Variants in FHIT observed in about 807,000 individuals in gnomAD.
FHIT encodes the protein fragile histidine triad diadenosine triphosphatase.
A neutral mutation model predicts 17.9 loss-of-function variants in FHIT; 19 were observed. The observed-to-expected ratio is 1.06, with a 90% CI of 0.74 to 1.56. The LOEUF (loss-of-function observed/expected upper bound fraction) is 1.56, where lower values mean the gene tolerates loss of function less well. Among genes scored for constraint, FHIT ranks in the 40% most tolerant of loss-of-function variants. FHIT has a pLI of 0.00. For missense variants in FHIT, 248 were observed against 189.2 expected (o/e 1.31, Z -1.82); for synonymous variants, 81 against 69.7 (o/e 1.16, Z -0.81).
chr3:59,930,579 T>C (rs1179853392), intron 7 of FHIT, among the ~76,000 whole-genome samples: 1 of 152,124 alleles, frequency 6.6e-6, no homozygotes, highest in Non-Finnish European at 1.5e-5. Context: ...CAGGCTTCAG[T>C]TCCCCCTCCG....
At chr3:60,951,622 A>G (rs1286859539) in intron 3 of FHIT, among the ~76,000 whole-genome samples, 3 of 152,228 alleles carry the variant, frequency 2.0e-5, no homozygotes, top group African/African-American at 7.2e-5. Flanking sequence ...CCCACTTACC[A>G]TTTAGAAGAA....
At chr3:60,092,765 A>T (rs770005999) in intron 5 of FHIT, among the ~76,000 whole-genome samples, 1 of 152,200 alleles carries the variant, frequency 6.6e-6, no homozygotes, top group Non-Finnish European at 1.5e-5. Context: ...CAATAATGAC[A>T]TTCACTGTGA....
chr3:60,674,358 C>T (rs2040574318), intron 4 of FHIT, among the ~76,000 whole-genome samples: 1 of 151,864 alleles, frequency 6.6e-6, no homozygotes, highest in Non-Finnish European at 1.5e-5. Context: ...TTTTAAATTC[C>T]TCATTTTCTA....
intron 1 of FHIT, among the ~76,000 whole-genome samples, chr3:61,217,487 T>G (rs1458264608): frequency 2.0e-5 from 3 of 152,168 alleles, no homozygotes; most frequent in Non-Finnish European, 2.9e-5. Context: ...GTGGCTGAGT[T>G]CCAAAGACGA....
Position 60,020,192 on chromosome 3 carries a change from A to G in FHIT, c.104-6040T>C, listed in dbSNP as rs529998124. Among the ~76,000 whole-genome samples the G allele has an allele frequency of 3.3e-3, 504 of 152,342 alleles. 2 individuals carry two copies. The highest frequency in any genetic ancestry group is 0.012 in the African/African-American group (479 of 41,582). ...ATTTCCATTATGTTGCCACATTTTT[A>G]TTCAAAATAAATTTGATAAGTTCAA... On this transcript the variant is annotated intron_variant, in intron 5 of 9. Transcript: ENST00000492590.
At chr3:61,049,832 T>A (rs2033959694) in intron 2 of FHIT, among the ~76,000 whole-genome samples, 1 of 152,120 alleles carries the variant, frequency 6.6e-6, no homozygotes, top group African/African-American at 2.4e-5. Context: ...TGGAAGGATT[T>A]TTTTGAGCGT....
chr3:60,556,091 T>G (rs1480258236), intron 4 of FHIT, among the ~76,000 whole-genome samples: 1 of 152,196 alleles, frequency 6.6e-6, no homozygotes, highest in Non-Finnish European at 1.5e-5. Context: ...GGAACACTAA[T>G]TGGTCATTTT....
intron 7 of FHIT, among the ~76,000 whole-genome samples, chr3:59,969,165 A>G (rs1401031059): frequency 6.6e-6 from 1 of 152,154 alleles, no homozygotes; most frequent in East Asian, 1.9e-4. Context: ...AGTCCTCTGC[A>G]TCTAAATCCA....
At chr3:61,129,055 C>A (rs1261759148) in intron 2 of FHIT, among the ~76,000 whole-genome samples, 1 of 152,178 alleles carries the variant, frequency 6.6e-6, no homozygotes, top group Non-Finnish European at 1.5e-5. Context: ...AGCTGATGTG[C>A]AGCTCCCTCA....
chr3:60,478,088 C>T (rs1264014077), intron 5 of FHIT, among the ~76,000 whole-genome samples: 2 of 152,174 alleles, frequency 1.3e-5, no homozygotes, highest in Non-Finnish European at 2.9e-5. Flanking sequence ...ATAAAAACTA[C>T]AGCATTGACA....
chr3:60,342,485 A>C (rs1036983014), intron 5 of FHIT, among the ~76,000 whole-genome samples: 1 of 152,236 alleles, frequency 6.6e-6, no homozygotes, highest in African/African-American at 2.4e-5. Context: ...TTTAATGTTT[A>C]AATATACAGT....
chr3:60,792,892 AGTT>A (rs1700833729), intron 4 of FHIT, among the ~76,000 whole-genome samples: 1 of 151,846 alleles, frequency 6.6e-6, no homozygotes, highest in African/African-American at 2.4e-5. Context: ...GAGCCCCAGA[AGTT>A]GTTAAGAACT....
In FHIT at chr3:60,369,726, C is replaced by T. The variant is rs975497960; in HGVS notation, c.103+167134G>A. On this transcript the variant is annotated intron_variant, in intron 5 of 9. Coordinates refer to ENST00000492590, the MANE Select transcript of FHIT (RefSeq NM_002012.4). ...TGTTAAGCAAGACCTTCTACACTGG[C>T]TGCGACAGGACTCCAATATCTCTCA... Among the ~76,000 whole-genome samples the T allele has an allele frequency of 7.9e-5, 12 of 152,232 alleles. No homozygotes were observed. The East Asian group carries it at 2.3e-3, about 30-fold the overall frequency.
rs146840293 is a variant in FHIT, at chr3:60,570,805, G to A, written c.-17-33826C>T. 4.8e-5 allele frequency among the ~76,000 whole-genome samples: 7 copies of A among 145,210 alleles called. No homozygotes were observed. In the East Asian group the frequency reaches 1.2e-3, roughly 26 times the overall value. On this transcript the variant is annotated intron_variant, in intron 4 of 9. Coordinates refer to ENST00000492590, the MANE Select transcript of FHIT (RefSeq NM_002012.4). ...TATGGCACAGTGTTGACAAATATTT[G>A]TTGGACTGAACCAAAGCAAATTCAC...
chr3:61,014,779 CAAAAAAAAAAAA>C (rs869289360), intron 3 of FHIT, among the ~76,000 whole-genome samples: 10 of 65,822 alleles, frequency 1.5e-4, no homozygotes, highest in East Asian at 4.2e-4. Context: ...GACTCTGCCT[CAAAAAAAAAAAA>C]AAAAAAAAAA....
chr3:60,690,662 C>T lies in FHIT; in HGVS notation c.-18+131257G>A, dbSNP rs79550241. On this transcript the variant is annotated intron_variant, in intron 4 of 9. Transcript: ENST00000492590. ...TTGTCTGCAAACAGCTCGAAGGAGA[C>T]GCAGCCCAAGGGCTCGCTATTGACA... is the stretch of plus-strand genomic sequence containing the variant. The T allele has an allele frequency of 2.9e-3, 1,461 of 505,000 alleles. 4 individuals are homozygous for T. The highest frequency in any genetic ancestry group is 4.7e-3 in the Non-Finnish European group (1,167 of 249,082). 31.3% of individuals were successfully genotyped at this position (505,000 alleles called of 1,614,324 possible). A position where few individuals can be genotyped will look rare whatever the true frequency, so the allele number is the denominator to read the frequency against.
intron 4 of FHIT, among the ~76,000 whole-genome samples, chr3:60,682,163 T>C (rs1331544786): frequency 1.3e-5 from 2 of 151,912 alleles, no homozygotes; most frequent in Non-Finnish European, 2.9e-5. Context: ...AGTAGAGACA[T>C]GGTTTCCCCA....
intron 4 of FHIT, among the ~76,000 whole-genome samples, chr3:60,538,190 T>G (rs1251743401): frequency 2.0e-5 from 3 of 152,114 alleles, no homozygotes; most frequent in Non-Finnish European, 4.4e-5. Context: ...CCATTCACAA[T>G]TGCTTCAAAG....
intron 5 of FHIT, among the ~76,000 whole-genome samples, chr3:60,475,337 G>A (rs2033291962): frequency 6.6e-6 from 1 of 152,112 alleles, no homozygotes; most frequent in South Asian, 2.1e-4. Flanking sequence ...CATGCCACAG[G>A]TTTGAAAAAC....
Sources: allele counts gnomAD v4.1 joint callset (sites outside exome capture counted in the v4.1 genomes callset), GRCh38; gene constraint gnomAD v4.1.1; transcripts MANE v1.5; gene names NCBI Gene and HGNC (gene_info 2026-07-23, HGNC 2026-07-21).